Variants in ZNF599 observed in about 807,000 individuals in gnomAD.
ZNF599 encodes zinc finger protein 599.
In ZNF599, 10 loss-of-function variants were observed where a neutral mutation model predicts 11.7. The observed-to-expected ratio is 0.86, with a 90% confidence interval of 0.53 to 1.45. The LOEUF (loss-of-function observed/expected upper bound fraction) is 1.45. Ranked by LOEUF, ZNF599 falls within the 40% of genes most tolerant of loss-of-function variation. The pLI is 0.00. For missense variants in ZNF599, 688 were observed against 713.6 expected (o/e 0.96, Z 0.41); for synonymous variants, 232 against 253.2 (o/e 0.92, Z 0.79).
chr19:34,772,880 G>C lies in ZNF599; in HGVS notation c.-39C>G. 7.0e-7 allele frequency: 1 copy of C among 1,431,982 alleles called. No homozygotes were observed. The allele number at this position is 1,431,982 out of a possible 1,614,324, so 88.7% of individuals were successfully genotyped here. ...TGGGTGAGGCCGTGAGAGTCGGCGA[G>C]GAAGCCGGTCCTGCGGGCTCGGCCG... On this transcript the variant is annotated 5_prime_UTR_variant, in exon 1 of 4. Transcript: ENST00000329285.
At chr19:34,803,768 A>G in the ZNF599 span, among the ~76,000 whole-genome samples, 1 of 152,144 alleles carries the variant, frequency 6.6e-6, no homozygotes, top group Admixed American at 6.5e-5. Flanking sequence ...AAGTCCCTAG[A>G]TGGTACCTTC....
Position 34,767,331 on chromosome 19 carries a change from G to A in ZNF599, c.226C>T (p.Gln76Ter), listed in dbSNP as rs1421525972. 6.2e-7 allele frequency: 1 copy of A among 1,614,034 alleles called. No individual in the cohort carries two copies. Among genetic ancestry groups the A allele is most frequent in the Non-Finnish European group, 8.5e-7 (1 of 1,179,950 alleles). ...ELWTVKRGLS[Q>*]STCAGEKAKP... Reference sequence around the variant, plus strand: ...AGTCACCAACCTGCGCAGGTGCTTTGGGAGAGGCCTCTCTTCACTGTCCAC... The same window carrying A: ...AGTCACCAACCTGCGCAGGTGCTTTAGGAGAGGCCTCTCTTCACTGTCCAC... The change falls in exon 3 of 4, where the codon CAA (glutamine) becomes TAA (stop). Residue 76 changes from glutamine (Q) to a stop codon, truncating the protein, a stop_gained. Transcript: ENST00000329285. LOFTEE classifies it low-confidence loss of function (END_TRUNC).
At chr19:34,771,509 T>C (rs1460891466) in intron 1 of ZNF599, among the ~76,000 whole-genome samples, 1 of 152,248 alleles carries the variant, frequency 6.6e-6, no homozygotes, top group African/African-American at 2.4e-5. Flanking sequence ...TTTTCCTATT[T>C]GCTCCTGTCG....
intron 3 of ZNF599, chr19:34,762,692 A>T (rs1043470187): frequency 3.9e-5 from 6 of 152,252 alleles, no homozygotes; most frequent in African/African-American, 2.4e-5. Flanking sequence ...CATGAATGTT[A>T]GTAACTTACT....
At chr19:34,762,336 C>T (rs1354420729) in intron 3 of ZNF599, among the ~76,000 whole-genome samples, 1 of 152,134 alleles carries the variant, frequency 6.6e-6, no homozygotes, top group Non-Finnish European at 1.5e-5. Flanking sequence ...GACCGGACAA[C>T]ATCAACTATT....
intron 1 of ZNF599, among the ~76,000 whole-genome samples, chr19:34,770,589 G>A (rs575349242): frequency 3.9e-5 from 6 of 152,278 alleles, no homozygotes; most frequent in South Asian, 2.1e-4. Context: ...CACAATGAGC[G>A]CCAACCTGTT....
chr19:34,758,887 T>A lies in ZNF599; in HGVS notation c.*147A>T. On this transcript the variant is annotated 3_prime_UTR_variant, in exon 4 of 4. Transcript: ENST00000329285. The stretch of plus-strand genomic sequence containing the variant: ...TAAAAAGATTTCACAGGGACAATTC[T>A]GTTTCTAGTTAGTATAAATTATCAG... The A allele has an allele frequency of 1.4e-6, 1 of 736,612 alleles. No homozygotes were observed. Among genetic ancestry groups the A allele is most frequent in the Non-Finnish European group, 2.2e-6 (1 of 457,576 alleles). The allele number at this position is 736,612 out of a possible 1,614,324, so 45.6% of individuals were successfully genotyped here.
chr19:34,792,144 C>A, the ZNF599 span, among the ~76,000 whole-genome samples: 1 of 152,208 alleles, frequency 6.6e-6, no homozygotes, highest in Non-Finnish European at 1.5e-5. Flanking sequence ...CCCCCTCAAT[C>A]TCCATCCTAC....
chr19:34,772,696 C>T (rs2069191249), intron 1 of ZNF599, 128 bp downstream of exon 1: 2 of 1,498,918 alleles, frequency 1.3e-6, no homozygotes, highest in South Asian at 1.3e-5. Context: ...TCACCCTCTC[C>T]CGGGATCTCC....
At chr19:34,792,947 A>T in the ZNF599 span, among the ~76,000 whole-genome samples, 1 of 152,170 alleles carries the variant, frequency 6.6e-6, no homozygotes, top group African/African-American at 2.4e-5. Flanking sequence ...AAAGCCATGC[A>T]TGCCATGTGA....
rs1368143032 is a variant in ZNF599, at chr19:34,759,057, G to A, written c.1744C>T (p.Arg582Ter). The A allele has an allele frequency of 7.4e-6, 12 of 1,611,482 alleles. No individual in the cohort carries two copies. The highest frequency in any genetic ancestry group is 6.7e-5 in the Admixed American group (4 of 59,880). ...TTTTAAACTCTGGTATGAATCTTTC[G>A]ATGGTGAGTGAACGATGAACTGTGG... ...FSHSSSFTHH[R>*]KIHTRV Residue 582 changes from arginine (R) to a stop codon, truncating the protein, a stop_gained, in exon 4 of 4, where the codon CGA becomes TGA. Coordinates refer to ENST00000329285, the MANE Select transcript of ZNF599 (RefSeq NM_001007248.3). LOFTEE classifies it high-confidence loss of function.
At chr19:34,773,723 T>A (rs1284942294), upstream of ZNF599, among the ~76,000 whole-genome samples, 5 of 152,156 alleles carry the variant, frequency 3.3e-5, no homozygotes, top group African/African-American at 1.2e-4. Flanking sequence ...CCCAGCCCTC[T>A]GCTTAACTTG....
chr19:34,768,968 G>A (rs1221234584), intron 2 of ZNF599, among the ~76,000 whole-genome samples: 1 of 152,232 alleles, frequency 6.6e-6, no homozygotes, highest in East Asian at 1.9e-4. Context: ...AGGGTTAACT[G>A]TGCAGGTGCT....
the ZNF599 span, chr19:34,779,894 A>C: frequency 6.2e-6 from 1 of 161,588 alleles, no homozygotes. Flanking sequence ...TTGCATGATG[A>C]GAAAGGCTGC....
At chr19:34,801,663 C>G in the ZNF599 span, among the ~76,000 whole-genome samples, 1 of 152,262 alleles carries the variant, frequency 6.6e-6, no homozygotes, top group African/African-American at 2.4e-5. Flanking sequence ...CACTTCTCAT[C>G]ACTTTTTCAC....
the ZNF599 span, among the ~76,000 whole-genome samples, chr19:34,782,815 C>A: frequency 6.6e-6 from 1 of 152,178 alleles, no homozygotes. Flanking sequence ...CGTCAAACAG[C>A]CCCCACCTGC....
At chr19:34,766,313 G>A (rs191233859) in intron 3 of ZNF599, among the ~76,000 whole-genome samples, 111 of 152,258 alleles carry the variant, frequency 7.3e-4, no homozygotes, top group Middle Eastern at 3.4e-3. Context: ...TTAGAAGACA[G>A]GAGGGCCAGA....
the ZNF599 span, among the ~76,000 whole-genome samples, chr19:34,798,986 T>A: frequency 6.6e-6 from 1 of 152,162 alleles, no homozygotes; most frequent in Non-Finnish European, 1.5e-5. Context: ...TGTCACATAA[T>A]TGGAATCGTA....
chr19:34,774,699 C>A (rs2069208356), upstream of ZNF599, among the ~76,000 whole-genome samples: 1 of 152,114 alleles, frequency 6.6e-6, no homozygotes, highest in South Asian at 2.1e-4. Context: ...ATCAGATTTC[C>A]ATTCTATTAT....
Sources: allele counts gnomAD v4.1 joint callset (sites outside exome capture counted in the v4.1 genomes callset), GRCh38; gene constraint gnomAD v4.1.1; transcripts MANE v1.5; gene names NCBI Gene and HGNC (gene_info 2026-07-23, HGNC 2026-07-21).